Variants in KLHL32 observed in about 807,000 individuals in gnomAD.
KLHL32 encodes the protein kelch-like protein 32.
KLHL32 carries 35 observed loss-of-function variants against 64.8 expected under a neutral mutation model. That is an observed-to-expected ratio of 0.54 (90% confidence interval 0.41 to 0.72). The LOEUF is 0.72. Among genes scored for constraint, KLHL32 ranks in the 30% least tolerant of loss-of-function variants. KLHL32 has a pLI of 0.00. For missense variants in KLHL32, 589 were observed against 768.5 expected, an observed-to-expected ratio of 0.77 and a Z score of 2.76; for synonymous variants, 259 against 281.0, an observed-to-expected ratio of 0.92 and a Z score of 0.78.
intron 3 of KLHL32, chr6:97,010,388 G>A (rs1780245508): frequency 1.3e-5 from 2 of 152,132 alleles, no homozygotes; most frequent in Non-Finnish European, 2.9e-5. Flanking sequence ...CCAGATCATA[G>A]CTGAATACCC....
intron 7 of KLHL32, among the ~76,000 whole-genome samples, chr6:97,118,385 G>A (rs1303262178): frequency 6.6e-6 from 1 of 152,122 alleles, no homozygotes; most frequent in African/African-American, 2.4e-5. Context: ...TTGGGAGGCC[G>A]AGGCGGGCGG....
chr6:97,030,257 T>G (rs1442574285), intron 3 of KLHL32, among the ~76,000 whole-genome samples: 2 of 152,210 alleles, frequency 1.3e-5, no homozygotes. Context: ...GTAGAATTTT[T>G]GTCAGTTTTG....
intron 1 of KLHL32, among the ~76,000 whole-genome samples, chr6:96,955,745 A>G (rs1773180226): frequency 6.6e-6 from 1 of 152,016 alleles, no homozygotes; most frequent in Admixed American, 6.5e-5. Flanking sequence ...GAGACCAGCT[A>G]GGCCAACATG....
At chr6:96,985,886 C>T (rs961092645) in intron 3 of KLHL32, among the ~76,000 whole-genome samples, 4 of 152,184 alleles carry the variant, frequency 2.6e-5, no homozygotes, top group Non-Finnish European at 2.9e-5. Context: ...CAAAGTCATT[C>T]TCCGTCCAGC....
intron 4 of KLHL32, among the ~76,000 whole-genome samples, chr6:97,047,021 G>A (rs1786037479): frequency 6.6e-6 from 1 of 152,208 alleles, no homozygotes; most frequent in African/African-American, 2.4e-5. Flanking sequence ...GTCTTGGAGA[G>A]AAATTGGAAG....
chr6:97,131,060 G>C lies in KLHL32; in HGVS notation c.1606+111G>C, dbSNP rs1462139946. The C allele has an allele frequency of 3.4e-6, 3 of 882,720 alleles. No individual in the cohort carries two copies. In the Admixed American group the frequency reaches 7.0e-5, roughly 21 times the overall value. 54.7% of individuals were successfully genotyped at this position (882,720 alleles called of 1,614,324 possible). ...AAATATTAAGTGCATAGTTGTAGAA[G>C]AACCTGCATTTATTAACCAGAAAGG... On this transcript the variant is annotated intron_variant, in intron 9 of 10. Coordinates refer to ENST00000369261, the MANE Select transcript of KLHL32 (RefSeq NM_052904.4).
intron 1 of KLHL32, among the ~76,000 whole-genome samples, chr6:96,958,744 C>T (rs867387115): frequency 8.1e-6 from 1 of 123,804 alleles, no homozygotes; most frequent in African/African-American, 3.1e-5. Flanking sequence ...TGTTTCCCCA[C>T]CCATTGGAAA....
At position 96,998,800 on chromosome 6, in the gene KLHL32, T is replaced by G. The variant is rs1176174369; in HGVS notation, c.204+22623T>G. Among the ~76,000 whole-genome samples, 4 of 152,380 alleles carry G rather than the reference T, an allele frequency of 2.6e-5. No individual in the cohort carries two copies. The East Asian group carries it at 7.7e-4, about 29-fold the overall frequency. ...CTTTCTCTGCCACCTGTATTTCATG[T>G]GTTGATCACAGAGGCACCAGAGTAT... On this transcript the variant is annotated intron_variant, in intron 3 of 10. Transcript: ENST00000369261.
At chr6:97,100,168 T>C (rs1358712365) in intron 6 of KLHL32, among the ~76,000 whole-genome samples, 1 of 152,038 alleles carries the variant, frequency 6.6e-6, no homozygotes, top group Non-Finnish European at 1.5e-5. Context: ...AATATATATA[T>C]ATAAATTGTG....
chr6:96,924,503 G>A (rs1768892255), upstream of KLHL32: 1 of 149,910 alleles, frequency 6.7e-6, no homozygotes, highest in South Asian at 1.8e-4. Flanking sequence ...GGGAGCGAGC[G>A]CGCTGGCGGC....
intron 4 of KLHL32, among the ~76,000 whole-genome samples, chr6:97,057,172 CTTTTTTTTTTTT>C (rs199552121): frequency 1.1e-4 from 7 of 64,996 alleles, no homozygotes; most frequent in Middle Eastern, 7.0e-3. Flanking sequence ...ATGTGAGTAT[CTTTTTTTTTTTT>C]TTTTTTTTTT....
In KLHL32 at chr6:96,973,395, C is replaced by T. The variant is rs1355754241; in HGVS notation, c.24-2602C>T. 3.3e-5 allele frequency among the ~76,000 whole-genome samples: 5 copies of T among 152,084 alleles called. No individual in the cohort carries two copies. In the East Asian group the frequency reaches 5.8e-4, roughly 18 times the overall value. ...AAGGCAATTATCTTAATATATTCTT[C>T]GGTTCCACTACAAATGAAATTTTGA... On this transcript the variant is annotated intron_variant, in intron 2 of 10. Coordinates refer to ENST00000369261, the MANE Select transcript of KLHL32 (RefSeq NM_052904.4).
chr6:97,008,524 A>G (rs1458088426), intron 3 of KLHL32, among the ~76,000 whole-genome samples: 3 of 151,720 alleles, frequency 2.0e-5, no homozygotes, highest in South Asian at 4.2e-4. Context: ...AGCCACTCCC[A>G]TGCCAAACTC....
chr6:96,968,651 C>G (rs1582518471), intron 2 of KLHL32, among the ~76,000 whole-genome samples: 1 of 152,204 alleles, frequency 6.6e-6, no homozygotes, highest in African/African-American at 2.4e-5. Flanking sequence ...TCCTTCTCTG[C>G]TTCAACCCAG....
intron 4 of KLHL32, among the ~76,000 whole-genome samples, chr6:97,046,180 C>T (rs981703062): frequency 6.6e-6 from 1 of 152,116 alleles, no homozygotes; most frequent in Admixed American, 6.5e-5. Context: ...CTGAAAAAGC[C>T]AGGGGACAGC....
At chr6:97,119,407 A>G (rs11968331) in intron 7 of KLHL32, among the ~76,000 whole-genome samples, 2,413 of 152,268 alleles carry the variant, frequency 0.016, 64 homozygotes, top group African/African-American at 0.055. Flanking sequence ...GAGTGTGACA[A>G]GAGAGATGGA....
chr6:96,964,957 C>T (rs1021056622), intron 1 of KLHL32, among the ~76,000 whole-genome samples: 17 of 152,164 alleles, frequency 1.1e-4, no homozygotes, highest in African/African-American at 4.1e-4. Flanking sequence ...ATGATCCCAT[C>T]ACCCAGGTAA....
intron 3 of KLHL32, among the ~76,000 whole-genome samples, chr6:97,021,838 C>T (rs1194165341): frequency 6.6e-6 from 1 of 150,990 alleles, no homozygotes; most frequent in Non-Finnish European, 1.5e-5. Flanking sequence ...TTTTCTCCCA[C>T]AAAACTGCTT....
chr6:96,992,416 C>T (rs115935966), intron 3 of KLHL32, among the ~76,000 whole-genome samples: 1,582 of 152,346 alleles, frequency 0.01, 32 homozygotes, highest in African/African-American at 0.037. Context: ...TGAAAGTGTC[C>T]ACTTGGATAA....
Sources: allele counts gnomAD v4.1 joint callset (sites outside exome capture counted in the v4.1 genomes callset), GRCh38; gene constraint gnomAD v4.1.1; transcripts MANE v1.5; gene names NCBI Gene and HGNC (gene_info 2026-07-23, HGNC 2026-07-21).